Variants in EYA2 observed in about 807,000 individuals in gnomAD.
EYA2 encodes the protein protein phosphatase EYA2.
EYA2 carries 31 observed loss-of-function variants against 69.2 expected under a neutral mutation model. The observed-to-expected ratio is 0.45, with a 90% confidence interval of 0.34 to 0.60. The LOEUF (loss-of-function observed/expected upper bound fraction) is 0.60. Among genes scored for constraint, EYA2 ranks in the 20% least tolerant of loss-of-function variants. The pLI, the probability that EYA2 is intolerant of heterozygous loss-of-function variation, is 0.02. For missense variants in EYA2, 622 were observed against 701.2 expected (o/e 0.89, Z 1.28); for synonymous variants, 257 against 279.4 (o/e 0.92, Z 0.80).
intron 1 of EYA2, among the ~76,000 whole-genome samples, chr20:46,945,215 G>A (rs191981254): frequency 6.6e-6 from 1 of 152,206 alleles, no homozygotes; most frequent in Admixed American, 6.5e-5. Context: ...GTAAAATGGG[G>A]ATAATTATAA....
intron 5 of EYA2, among the ~76,000 whole-genome samples, chr20:47,027,092 C>T (rs569517238): frequency 6.6e-6 from 1 of 152,352 alleles, no homozygotes; most frequent in South Asian, 2.1e-4. Context: ...CACAGATCAC[C>T]TCCTTTGGGT....
chr20:46,922,403 G>A (rs1348527362), intron 1 of EYA2, among the ~76,000 whole-genome samples: 1 of 152,170 alleles, frequency 6.6e-6, no homozygotes, highest in African/African-American at 2.4e-5. Context: ...TTTTTACTGT[G>A]TATACTCTAC....
At chr20:47,046,089 C>A (rs143887469) in intron 5 of EYA2, among the ~76,000 whole-genome samples, 1 of 152,180 alleles carries the variant, frequency 6.6e-6, no homozygotes, top group Non-Finnish European at 1.5e-5. Flanking sequence ...ATCAGGGTGC[C>A]AGCATGGTCA....
chr20:47,143,024 G>T, intron 9 of EYA2, 35 bp from the exon 10 acceptor site: 1 of 1,591,988 alleles, frequency 6.3e-7, no homozygotes, highest in Non-Finnish European at 8.6e-7. Context: ...CTCAGGCTCC[G>T]CGTGCATGTG....
chr20:46,962,676 G>T (rs1232968217), intron 1 of EYA2, among the ~76,000 whole-genome samples: 1 of 152,198 alleles, frequency 6.6e-6, no homozygotes, highest in South Asian at 2.1e-4. Flanking sequence ...CAGAGTGGGT[G>T]AGGATTTCCT....
intron 10 of EYA2, among the ~76,000 whole-genome samples, chr20:47,158,921 CAAAAT>C (rs1001738248): frequency 4.6e-5 from 7 of 151,512 alleles, no homozygotes; most frequent in African/African-American, 1.2e-4. Context: ...AAAAGGAGAG[CAAAAT>C]AAAATAAAAG....
intron 1 of EYA2, among the ~76,000 whole-genome samples, chr20:46,977,798 A>G (rs1980552271): frequency 6.6e-6 from 1 of 152,140 alleles, no homozygotes; most frequent in South Asian, 2.1e-4. Context: ...CTTCTATTCA[A>G]TGACACTTCC....
intron 10 of EYA2, 149 bp from the exon 11 acceptor site, chr20:47,168,990 T>A: frequency 1.5e-6 from 1 of 668,450 alleles, no homozygotes; most frequent in South Asian, 1.7e-5. Flanking sequence ...TAACCTTGAG[T>A]ATCCAAATCC....
chr20:46,967,898 T>C (rs1979888452), intron 1 of EYA2, among the ~76,000 whole-genome samples: 2 of 152,154 alleles, frequency 1.3e-5, no homozygotes, highest in Admixed American at 1.3e-4. Context: ...ACAGCAGCCA[T>C]CATCCCTCCT....
chr20:47,118,701 A>C (rs1568789513), intron 9 of EYA2, among the ~76,000 whole-genome samples: 1 of 152,174 alleles, frequency 6.6e-6, no homozygotes, highest in Non-Finnish European at 1.5e-5. Flanking sequence ...ACTTTCTTTG[A>C]AGCCCTGTGC....
intron 1 of EYA2, among the ~76,000 whole-genome samples, chr20:46,918,665 T>TTG (rs1568666479): frequency 6.6e-6 from 1 of 152,288 alleles, no homozygotes; most frequent in East Asian, 1.9e-4. Flanking sequence ...CTCAAAGTCA[T>TTG]TGATGAGGGC....
intron 8 of EYA2, among the ~76,000 whole-genome samples, chr20:47,090,182 C>A (rs1290592696): frequency 6.6e-6 from 1 of 151,382 alleles, no homozygotes; most frequent in Non-Finnish European, 1.5e-5. Context: ...GTGGGTGATT[C>A]CTGTGTGCAG....
chr20:47,133,942 A>C (rs1600732205), intron 9 of EYA2, among the ~76,000 whole-genome samples: 1 of 152,360 alleles, frequency 6.6e-6, no homozygotes, highest in South Asian at 2.1e-4. Flanking sequence ...TTCTTAGCCT[A>C]AACTATCTCA....
Position 47,172,783 on chromosome 20 carries a change from G to C in EYA2, c.1114G>C (p.Gly372Arg). The C allele has an allele frequency of 6.2e-7, 1 of 1,614,170 alleles. No homozygotes were observed. The highest frequency in any genetic ancestry group is 8.5e-7 in the Non-Finnish European group (1 of 1,180,020). The change falls in exon 12 of 16, where the codon GGC (glycine) becomes CGC (arginine). Residue 372 changes from glycine (G) to arginine (R), a missense_variant. This residue lies in a region of EYA2 where 257 missense variants were observed against 351.5 expected (regional missense o/e 0.73). Coordinates refer to ENST00000327619, the MANE Select transcript of EYA2 (RefSeq NM_005244.5). ...CCTGTGCCTGGGCTCTGGCGTGCAC[G>C]GCGGCGTGGACTGGATGAGGAAGCT... The part of the protein sequence containing the change: ...ANLCLGSGVH[G>R]GVDWMRKLAF...
At chr20:46,921,576 A>G (rs779617192) in intron 1 of EYA2, among the ~76,000 whole-genome samples, 12 of 152,172 alleles carry the variant, frequency 7.9e-5, no homozygotes, top group Non-Finnish European at 1.3e-4. Flanking sequence ...AGGCACAGGA[A>G]CTGGACCCAG....
At chr20:46,917,220 GT>G (rs369185299) in intron 1 of EYA2, among the ~76,000 whole-genome samples, 6 of 152,140 alleles carry the variant, frequency 3.9e-5, no homozygotes, top group African/African-American at 1.4e-4. Flanking sequence ...AACTAGGACT[GT>G]TTATGTCATT....
At chr20:47,055,371 C>A (rs1429094851) in intron 5 of EYA2, among the ~76,000 whole-genome samples, 1 of 152,206 alleles carries the variant, frequency 6.6e-6, no homozygotes, top group African/African-American at 2.4e-5. Context: ...CCGCTGTGAT[C>A]CCCTGATCTG....
At chr20:47,108,289 A>T (rs2032648259) in intron 9 of EYA2, among the ~76,000 whole-genome samples, 1 of 151,534 alleles carries the variant, frequency 6.6e-6, no homozygotes, top group South Asian at 2.1e-4. Context: ...TCCCGTGAGA[A>T]CTCGTTGTTG....
rs560067559 is a variant in EYA2, at chr20:47,090,294, C to T, written c.804+913C>T. ...CTCCCCCATCACCCAGGCTGGAGTG[C>T]AGTGGCACAATCTCGGCTCACCGCA... On this transcript the variant is annotated intron_variant, in intron 8 of 15. Coordinates refer to ENST00000327619, the MANE Select transcript of EYA2 (RefSeq NM_005244.5). Among the ~76,000 whole-genome samples the T allele has an allele frequency of 4.8e-5, 7 of 146,534 alleles. No homozygotes were observed. In the East Asian group the frequency reaches 8.3e-4, roughly 17 times the overall value.
Sources: gnomAD v4.1 joint callset for allele counts (sites outside exome capture counted in the v4.1 genomes callset) on GRCh38, gnomAD v4.1.1 for gene constraint, gnomAD v4.1.1 regional missense constraint, MANE v1.5 for transcripts, NCBI Gene and HGNC (gene_info 2026-07-23, HGNC 2026-07-21) for gene names.